The following SLC25A48 variants were observed in gnomAD, a reference collection of about 807,000 sequenced individuals.
SLC25A48 encodes the protein solute carrier family 25 member 48.
A neutral mutation model predicts 32.2 loss-of-function variants in SLC25A48; 29 were observed. The ratio of observed to expected loss-of-function variants is 0.90; its 90% confidence interval spans 0.67 to 1.23. The LOEUF (loss-of-function observed/expected upper bound fraction) is 1.23, where lower values mean the gene tolerates loss of function less well. SLC25A48 is among the 50% of genes most tolerant of loss of function. The pLI is 0.00. For synonymous variants in SLC25A48, 164 were observed against 172.3 expected, an observed-to-expected ratio of 0.95 and a Z score of 0.38; for missense variants, 399 against 422.7, an observed-to-expected ratio of 0.94 and a Z score of 0.49.
At chr5:135,840,802 T>TATTCATACACCAGTTGATGGGC (rs1446061821) in intron 1 of SLC25A48, among the ~76,000 whole-genome samples, 1 of 152,238 alleles carries the variant, frequency 6.6e-6, no homozygotes, top group Non-Finnish European at 1.5e-5. Flanking sequence ...ACATTTTGTT[T>TATTCATACACCAGTTGATGGGC]ATTCATACAC....
chr5:135,747,499 A>G (rs1236681527), intron 3 of SLC25A48, among the ~76,000 whole-genome samples: 3 of 151,994 alleles, frequency 2.0e-5, no homozygotes, highest in Non-Finnish European at 4.4e-5. Context: ...TTGCTTTCTG[A>G]TACAATAAGA....
intron 3 of SLC25A48, among the ~76,000 whole-genome samples, chr5:135,772,481 C>T (rs11242271): frequency 0.3 from 45,853 of 151,226 alleles, 7,101 homozygotes; most frequent in East Asian, 0.46. Context: ...ATAATATTCA[C>T]GAAGAAAGAG....
intron 3 of SLC25A48, among the ~76,000 whole-genome samples, chr5:135,717,755 G>C (rs549509007): frequency 5.3e-5 from 8 of 152,276 alleles, no homozygotes; most frequent in Non-Finnish European, 1.2e-4. Context: ...CCTTGAGAGG[G>C]AGCACAGCCC....
intron 3 of SLC25A48, among the ~76,000 whole-genome samples, chr5:135,850,910 G>A (rs754702832): frequency 1.5e-4 from 23 of 152,196 alleles, no homozygotes; most frequent in African/African-American, 4.1e-4. Context: ...GTTTACCTGC[G>A]CCCAGGTCAC....
chr5:135,856,614 G>A (rs78491194), intron 4 of SLC25A48, among the ~76,000 whole-genome samples: 1,761 of 152,356 alleles, frequency 0.012, 22 homozygotes, highest in African/African-American at 0.037. Context: ...ACTGCAGCAC[G>A]TGGGGAGACG....
intron 4 of SLC25A48, among the ~76,000 whole-genome samples, chr5:135,826,204 C>A (rs181633220): frequency 6.6e-6 from 1 of 152,108 alleles, no homozygotes; most frequent in Non-Finnish European, 1.5e-5. Context: ...CCAGGCTGCT[C>A]CCTGCCAGCA....
intron 3 of SLC25A48, among the ~76,000 whole-genome samples, chr5:135,732,964 A>G (rs531979034): frequency 5.9e-5 from 9 of 152,294 alleles, no homozygotes; most frequent in African/African-American, 2.2e-4. Flanking sequence ...TTGGAAGTAA[A>G]GTGGCTTTGA....
intron 1 of SLC25A48, among the ~76,000 whole-genome samples, chr5:135,600,763 A>C (rs1372778192): frequency 1.3e-5 from 2 of 151,204 alleles, no homozygotes; most frequent in African/African-American, 4.9e-5. Flanking sequence ...GCTCACTGCA[A>C]CCTCCATCTG....
At chr5:135,748,053 T>C (rs978525750) in intron 3 of SLC25A48, among the ~76,000 whole-genome samples, 1 of 152,072 alleles carries the variant, frequency 6.6e-6, no homozygotes, top group African/African-American at 2.4e-5. Context: ...CCCAATCTGG[T>C]CAGGAGAAGA....
chr5:135,759,595 A>G (rs1388586475), intron 3 of SLC25A48, among the ~76,000 whole-genome samples: 1 of 152,150 alleles, frequency 6.6e-6, no homozygotes, highest in Non-Finnish European at 1.5e-5. Flanking sequence ...GAGCATTTCC[A>G]TCACCACAGG....
chr5:135,819,670 T>A (rs937814351), intron 4 of SLC25A48, among the ~76,000 whole-genome samples: 2 of 152,208 alleles, frequency 1.3e-5, no homozygotes, highest in African/African-American at 4.8e-5. Flanking sequence ...CTGACCATGG[T>A]GATAGTTTCT....
chr5:135,616,780 A>G (rs779256773), intron 1 of SLC25A48, among the ~76,000 whole-genome samples: 1 of 152,162 alleles, frequency 6.6e-6, no homozygotes, highest in Non-Finnish European at 1.5e-5. Context: ...TCAGAGTGGA[A>G]TGATATGGTT....
chr5:135,886,784 G>T (rs1393535539), intron 7 of SLC25A48, among the ~76,000 whole-genome samples: 1 of 150,288 alleles, frequency 6.7e-6, no homozygotes, highest in Non-Finnish European at 1.5e-5. Flanking sequence ...TGCCCTCAGG[G>T]AGCTTAGTAT....
chr5:135,845,512 C>A (rs566009665), intron 2 of SLC25A48, among the ~76,000 whole-genome samples: 1 of 152,208 alleles, frequency 6.6e-6, no homozygotes, highest in Admixed American at 6.5e-5. Flanking sequence ...GTTTTCTCAA[C>A]AGACCCTGTC....
intron 1 of SLC25A48, among the ~76,000 whole-genome samples, chr5:135,623,973 A>T (rs1206584563): frequency 6.6e-6 from 1 of 152,170 alleles, no homozygotes; most frequent in Admixed American, 6.5e-5. Flanking sequence ...CAGCTCTTGG[A>T]TCTCTGTAAG....
chr5:135,695,951 C>T (rs1754257194), intron 3 of SLC25A48, among the ~76,000 whole-genome samples: 1 of 152,204 alleles, frequency 6.6e-6, no homozygotes, highest in Admixed American at 6.5e-5. Flanking sequence ...ACAGCCCATC[C>T]TAACCCAAGA....
At chr5:135,690,047 C>A (rs2126957286) in intron 3 of SLC25A48, among the ~76,000 whole-genome samples, 1 of 152,274 alleles carries the variant, frequency 6.6e-6, no homozygotes, top group East Asian at 1.9e-4. Context: ...TAGGGTGACC[C>A]ACTGCCTCGG....
At chr5:135,831,669 C>T (rs11956708), upstream of SLC25A48, among the ~76,000 whole-genome samples, 20,695 of 152,250 alleles carry the variant, frequency 0.14, 1,860 homozygotes, top group Middle Eastern at 0.2. Context: ...CAGTCACACA[C>T]ATGCACAGAA....
chr5:135,752,062 A>C (rs1247831837), intron 3 of SLC25A48, among the ~76,000 whole-genome samples: 1 of 152,230 alleles, frequency 6.6e-6, no homozygotes, highest in Non-Finnish European at 1.5e-5. Flanking sequence ...GTCGAGTCTA[A>C]AACTATAACA....
Sources: gnomAD v4.1 joint callset for allele counts (sites outside exome capture counted in the v4.1 genomes callset) on GRCh38, gnomAD v4.1.1 for gene constraint, MANE v1.5 for transcripts, NCBI Gene and HGNC (gene_info 2026-07-23, HGNC 2026-07-21) for gene names.